CARNS1: variants seen among roughly 807,000 people sequenced by gnomAD.
CARNS1 encodes ATP-grasp domain containing 1.
CARNS1 carries 61 observed loss-of-function variants against 74.0 expected under a neutral mutation model. That is an observed-to-expected ratio of 0.82 (90% CI 0.67 to 1.02). The LOEUF (loss-of-function observed/expected upper bound fraction) is 1.02, where lower values mean the gene tolerates loss of function less well. Ranked by LOEUF, CARNS1 falls within the 50% of genes least tolerant of loss-of-function variation. The probability of loss-of-function intolerance (pLI) is 0.00; values close to 1 mark genes in which losing one functional copy is unlikely to be tolerated. For synonymous variants in CARNS1, 568 were observed against 605.5 expected (o/e 0.94, Z 0.91); for missense variants, 1,278 against 1,308.4 (o/e 0.98, Z 0.36).
In CARNS1 at chr11:67,423,839, C is replaced by A. The variant is rs1350742808; in HGVS notation, c.2091C>A (p.His697Gln). The A allele has an allele frequency of 1.2e-6, 2 of 1,612,006 alleles. No homozygotes were observed. Among genetic ancestry groups the A allele is most frequent in the African/African-American group, 1.3e-5 (1 of 75,058 alleles). ...AGGATGCGCCACAGTGCCATGAGCA[C>A]TTTTCCCGGATTACCCGAGACTTGC... Reference protein sequence around the residue: ...LVEDAPQCHEHFSRITRDLQG... With the variant: ...LVEDAPQCHEQFSRITRDLQG... The change falls in exon 10 of 10, where the codon CAC becomes CAA. Residue 697 changes from histidine to glutamine, a missense_variant. Physicochemically the swap from His to Gln is conservative, Grantham distance 24. Transcript: ENST00000687366. The surrounding 1 kb of genome is among the most constrained non-coding windows in gnomAD (Gnocchi z 5.1).
Position 67,424,353 on chromosome 11 carries a change from C to A in CARNS1, c.2605C>A (p.His869Asn), listed in dbSNP as rs761895463. The change falls in exon 10 of 10, where the codon CAC becomes AAC. Residue 869 changes from histidine (H) to asparagine (N), a missense_variant. Coordinates refer to ENST00000687366, the MANE Select transcript of CARNS1 (RefSeq NM_001166222.2). Reference sequence around the variant, plus strand: ...GGGCGTCATGTGCCTTGTGTCCCAGCACCTGCAGGCCCTGAGTTCCACCGC... The same window carrying A: ...GGGCGTCATGTGCCTTGTGTCCCAGAACCTGCAGGCCCTGAGTTCCACCGC... ...LVGVMCLVSQHLQALSSTASR... is the reference protein window; with the variant it reads ...LVGVMCLVSQNLQALSSTASR... 1 of 1,604,944 alleles carries A rather than the reference C, an allele frequency of 6.2e-7. No homozygotes were observed. The highest frequency in any genetic ancestry group is 2.2e-5 in the East Asian group (1 of 44,554).
Position 67,424,204 on chromosome 11 carries a change from G to A in CARNS1, c.2456G>A (p.Gly819Asp). Residue 819 changes from glycine to aspartate, a missense_variant, in exon 10 of 10, where the codon GGC (glycine) becomes GAC (aspartate). By Grantham distance (94) the Gly-to-Asp change is moderately conservative (BLOSUM62 -1). This residue lies in a region of CARNS1 where 1,164 missense variants were observed against 1,156.5 expected (regional missense o/e 1.01). Transcript: ENST00000687366. ...RLIEINPRMGGFYLRDWILEL... is the reference protein window; with the variant it reads ...RLIEINPRMGDFYLRDWILEL... ...ATCGAGATCAACCCCCGCATGGGTG[G>A]CTTCTACCTGCGTGATTGGATCCTG... 1 of 1,613,860 alleles carries A rather than the reference G, an allele frequency of 6.2e-7. No individual in the cohort carries two copies. The highest frequency in any genetic ancestry group is 1.3e-5 in the African/African-American group (1 of 75,050).
chr11:67,415,713 C>G lies in CARNS1; in HGVS notation c.-75C>G, dbSNP rs1253725307. The G allele has an allele frequency of 6.5e-6, 1 of 154,936 alleles. No individual in the cohort carries two copies. The highest frequency in any genetic ancestry group is 2.4e-5 in the African/African-American group (1 of 41,400). 9.6% of individuals were successfully genotyped at this position (154,936 alleles called of 1,614,324 possible). A position where few individuals can be genotyped will look rare whatever the true frequency, so the allele number is the denominator to read the frequency against. On this transcript the variant is annotated 5_prime_UTR_variant, in exon 1 of 10. Transcript: ENST00000687366. ...TGCCACCGCCGCCGCCGCTGCATCCCGCCCGGTCCGAGTCCGCCCGCCACG... is the reference window on the plus strand; with the variant it reads ...TGCCACCGCCGCCGCCGCTGCATCCGGCCCGGTCCGAGTCCGCCCGCCACG...
chr11:67,420,902 C>T, intron 8 of CARNS1, 37 bp from the exon 9 acceptor site: 1 of 1,345,014 alleles, frequency 7.4e-7, no homozygotes, highest in South Asian at 1.7e-5. Context: ...AGGGCGGTGG[C>T]TGCCGTAGCT....
intron 2 of CARNS1, chr11:67,417,030 G>A (rs1863561070): frequency 2.9e-6 from 3 of 1,020,124 alleles, no homozygotes; most frequent in Non-Finnish European, 2.3e-6. Flanking sequence ...AACACTTACT[G>A]AGAAGTGGCT....
In CARNS1 at chr11:67,421,133, A is replaced by G. The variant is rs1038246398; in HGVS notation, c.1540A>G (p.Met514Val). The G allele has an allele frequency of 1.3e-6, 2 of 1,484,068 alleles. No individual in the cohort carries two copies. Among genetic ancestry groups the G allele is most frequent in the Non-Finnish European group, 8.9e-7 (1 of 1,124,200 alleles). 91.9% of individuals were successfully genotyped at this position (1,484,068 alleles called of 1,614,324 possible). ...TMLRRSARCL[M>V]EGKQLLVVGA... ...GCTTCGGCGGTCGGCGCGCTGCCTC[A>G]TGGAGGGAAAACAGCTGCTGGTGGT... Residue 514 changes from methionine (M) to valine (V), a missense_variant, in exon 9 of 10, where the codon ATG becomes GTG. Met to Val is a conservative substitution (Grantham distance 21, BLOSUM62 1). Coordinates refer to ENST00000687366, the MANE Select transcript of CARNS1 (RefSeq NM_001166222.2).
rs1486969726 is a variant in CARNS1 at position 67,420,950 on chromosome 11, G to A, written c.1357G>A (p.Ala453Thr). The change falls in exon 9 of 10, where the codon GCG becomes ACG. Residue 453 changes from alanine to threonine, a missense_variant. Transcript: ENST00000687366. ...CCCGCCCGGCGCAGGCGTGGATTTCGCGCTGACAGCGGCCGGCGGCGTGCT... is the reference window on the plus strand; with the variant it reads ...CCCGCCCGGCGCAGGCGTGGATTTCACGCTGACAGCGGCCGGCGGCGTGCT... ...AHTDFLGVDFALTAAGGVLTP... is the reference protein window; with the variant it reads ...AHTDFLGVDFTLTAAGGVLTP... 2.1e-6 allele frequency: 3 copies of A among 1,419,742 alleles called. No individual in the cohort carries two copies. 87.9% of individuals were successfully genotyped at this position (1,419,742 alleles called of 1,614,324 possible).
intron 9 of CARNS1, among the ~76,000 whole-genome samples, chr11:67,421,579 GA>G (rs1339806753): frequency 1.3e-5 from 2 of 152,156 alleles, no homozygotes; most frequent in Non-Finnish European, 2.9e-5. Context: ...CTGTCTTGGG[GA>G]AAGGGCGGGC....
rs1402352908 is a variant in CARNS1, at chr11:67,421,197, C to T, written c.1604C>T (p.Ala535Val). Reference sequence around the variant, plus strand: ...GTCAGCAAGAAGTTCGTGTGGGAGGCGGCGCGCGACTACGGGCTCCAGGTG... The same window carrying T: ...GTCAGCAAGAAGTTCGTGTGGGAGGTGGCGCGCGACTACGGGCTCCAGGTG... ...GGVSKKFVWE[A>V]ARDYGLQLHL... The change falls in exon 9 of 10, where the codon GCG (alanine) becomes GTG (valine). Residue 535 changes from alanine (A) to valine (V), a missense_variant. Around this residue, in one of 3 missense-constraint regions of CARNS1, gnomAD observed 1,164 missense variants for 1,156.5 expected, o/e 1.01. Coordinates refer to ENST00000687366, the MANE Select transcript of CARNS1 (RefSeq NM_001166222.2). 75 of 1,491,050 alleles carry T rather than the reference C, an allele frequency of 5.0e-5. No homozygotes were observed. The highest frequency in any genetic ancestry group is 2.0e-4 in the Middle Eastern group (1 of 5,082). The allele number at this position is 1,491,050 out of a possible 1,614,324, so 92.4% of individuals were successfully genotyped here.
At position 67,424,147 on chromosome 11, in the gene CARNS1, A is replaced by G; in HGVS notation, c.2399A>G (p.Glu800Gly). ...CGLLDGVFNV[E>G]LKLTGAGPRL... is the part of the protein sequence containing the mutation. ...TTGCTCGATGGAGTCTTCAACGTGG[A>G]GCTCAAGCTGACCGGGGCTGGGCCT... is the stretch of plus-strand genomic sequence containing the variant. The change falls in exon 10 of 10, where the codon GAG (glutamate) becomes GGG (glycine). Residue 800 changes from glutamate (E) to glycine (G), a missense_variant. Transcript: ENST00000687366. The G allele has an allele frequency of 1.2e-6, 2 of 1,613,876 alleles. No homozygotes were observed. The highest frequency in any genetic ancestry group is 1.7e-6 in the Non-Finnish European group (2 of 1,179,858).
In CARNS1 at chr11:67,420,856, C is replaced by CGGGGCCGGGGCCG; in HGVS notation, c.1345+19_1345+31dup. 1 of 1,262,248 alleles carries CGGGGCCGGGGCCG rather than the reference C, an allele frequency of 7.9e-7. No individual in the cohort carries two copies. Among genetic ancestry groups the CGGGGCCGGGGCCG allele is most frequent in the Non-Finnish European group, 9.9e-7 (1 of 1,006,378 alleles). 78.2% of individuals were successfully genotyped at this position (1,262,248 alleles called of 1,614,324 possible). On this transcript the variant is annotated intron_variant, in intron 8 of 9. Transcript: ENST00000687366. ...GACTTCCTGGGTGAGTGAGGGCGGC[C>CGGGGCCGGGGCCG]GGGGCCGGGGCCGGGAGCCGAGGGC...
chr11:67,419,881 C>T (rs12803820), intron 7 of CARNS1, 43 bp downstream of exon 7: 34,461 of 1,542,252 alleles, frequency 0.022, 455 homozygotes, highest in East Asian at 0.043. Context: ...GCCTGCCACA[C>T]GCCAGCCCAG....
rs1863607984 is a variant in CARNS1, at chr11:67,418,636, C to A, written c.364+116C>A. 4 of 1,437,392 alleles carry A rather than the reference C, an allele frequency of 2.8e-6. No individual in the cohort carries two copies. The East Asian group carries it at 1.0e-4, about 36-fold the overall frequency. The allele number at this position is 1,437,392 out of a possible 1,614,324, so 89.0% of individuals were successfully genotyped here. On this transcript the variant is annotated intron_variant, in intron 4 of 9. Transcript: ENST00000687366. ...GGCAACTGCCTGCATTCCACCGGAGCAGCTGCCATGCTGAATGGGGATGGG... is the reference window on the plus strand; with the variant it reads ...GGCAACTGCCTGCATTCCACCGGAGAAGCTGCCATGCTGAATGGGGATGGG...
chr11:67,416,138 A>G, intron 1 of CARNS1, 38 bp from the exon 2 acceptor site: 2 of 1,292,328 alleles, frequency 1.5e-6, no homozygotes, highest in Non-Finnish European at 2.2e-6. Flanking sequence ...GGCTGCCCTG[A>G]CTCCTTCGTC....
chr11:67,419,359 T>G (rs888068572), intron 5 of CARNS1, 116 bp downstream of exon 5: 1 of 1,483,106 alleles, frequency 6.7e-7, no homozygotes, highest in Non-Finnish European at 9.0e-7. Context: ...GCCGCTGCCC[T>G]GCCCCATCTC....
intron 7 of CARNS1, among the ~76,000 whole-genome samples, chr11:67,420,399 G>A (rs566598683): frequency 3.9e-4 from 60 of 152,336 alleles, no homozygotes; most frequent in African/African-American, 1.3e-3. Flanking sequence ...AGCTGGGCCT[G>A]GAAGCCTGGG....
At position 67,418,775 on chromosome 11, in the gene CARNS1, GT is replaced by G; in HGVS notation, c.385del (p.Ser129ProfsTer5). 6.3e-7 allele frequency: 1 copy of G among 1,598,102 alleles called. No homozygotes were observed. The highest frequency in any genetic ancestry group is 8.5e-7 in the Non-Finnish European group (1 of 1,172,508). ...CCACAGGAAACATGCTCCTTTGCCTGTCCCCTGCTTGGCTGATGAAGGTGCC... is the reference window on the plus strand; with the variant it reads ...CCACAGGAAACATGCTCCTTTGCCTGCCCCTGCTTGGCTGATGAAGGTGCC... ...QSPGNMLLCL[S>X]PAWLMKVPAP... On this transcript the variant is annotated frameshift_variant, in exon 5 of 10. Transcript: ENST00000687366. LOFTEE classifies it high-confidence loss of function.
chr11:67,417,562 C>T lies in CARNS1; in HGVS notation c.159C>T (p.Ser53=). The part of the protein sequence containing the change: ...RQDVGLDCKG[S]PEGAEARAWT... ...ACGTGGGCCTGGACTGCAAGGGATC[C>T]CCCGAGGGGGCCGAGGCCCGGGCTT... Residue 53 remains serine, a synonymous_variant, in exon 3 of 10, where the codon TCC becomes TCT. Transcript: ENST00000687366. 1.4e-6 allele frequency: 2 copies of T among 1,379,388 alleles called. No individual in the cohort carries two copies. The highest frequency in any genetic ancestry group is 1.9e-6 in the Non-Finnish European group (2 of 1,067,264). 85.4% of individuals were successfully genotyped at this position (1,379,388 alleles called of 1,614,324 possible).
At chr11:67,421,292 G>A (rs986477372) in intron 9 of CARNS1, 73 bp downstream of exon 9, 8 of 1,359,168 alleles carry the variant, frequency 5.9e-6, no homozygotes, top group Non-Finnish European at 6.6e-6. Context: ...CCGGGGCGGG[G>A]CCTGGAGCAA....
Sources: gnomAD v4.1 joint callset for allele counts (sites outside exome capture counted in the v4.1 genomes callset) on GRCh38, gnomAD v4.1.1 for gene constraint, gnomAD v4.1.1 regional missense constraint, Gnocchi (gnomAD v3.1) non-coding constraint, MANE v1.5 for transcripts, NCBI Gene and HGNC (gene_info 2026-07-23, HGNC 2026-07-21) for gene names.